COG5: variants seen among roughly 807,000 people sequenced by gnomAD.
COG5 encodes component of oligomeric golgi complex 5, also known as conserved oligomeric Golgi complex subunit 5.
A neutral mutation model predicts 110.4 loss-of-function variants in COG5; 86 were observed. The observed-to-expected ratio is 0.78, with a 90% confidence interval of 0.65 to 0.93. The LOEUF (loss-of-function observed/expected upper bound fraction) is 0.93, where lower values mean the gene tolerates loss of function less well. Ranked by LOEUF, COG5 falls within the 40% of genes least tolerant of loss-of-function variation. COG5 has a pLI of 0.00. For missense variants in COG5, 1,077 were observed against 987.0 expected, an observed-to-expected ratio of 1.09 and a Z score of -1.22; for synonymous variants, 360 against 334.6, an observed-to-expected ratio of 1.08 and a Z score of -0.83.
intron 18 of COG5, among the ~76,000 whole-genome samples, chr7:107,234,394 T>C (rs146468533): frequency 1.4e-4 from 22 of 152,330 alleles, no homozygotes; most frequent in African/African-American, 5.3e-4. Flanking sequence ...AAATAACATT[T>C]TGAATAATGC....
chr7:107,558,908 T>C (rs1584966864), intron 1 of COG5, among the ~76,000 whole-genome samples: 2 of 68,520 alleles, frequency 2.9e-5, no homozygotes, highest in Admixed American at 1.6e-4. Context: ...AAAAAAGACT[T>C]CATCTCAAAA....
intron 8 of COG5, among the ~76,000 whole-genome samples, chr7:107,367,640 T>C (rs1314306477): frequency 2.0e-5 from 3 of 151,962 alleles, no homozygotes; most frequent in Non-Finnish European, 4.4e-5. Context: ...TTGCAGCAAC[T>C]TGGATGGAAC....
chr7:107,218,672 T>C (rs1037315155), intron 19 of COG5, among the ~76,000 whole-genome samples: 9 of 152,086 alleles, frequency 5.9e-5, no homozygotes, highest in Non-Finnish European at 1.2e-4. Flanking sequence ...ATTTGGACCC[T>C]TAGGTCATAC....
intron 12 of COG5, among the ~76,000 whole-genome samples, chr7:107,288,714 CTA>C (rs1400070341): frequency 1.3e-5 from 2 of 151,716 alleles, no homozygotes; most frequent in African/African-American, 4.8e-5. Flanking sequence ...ATTGCCAGAT[CTA>C]TGAGTCAGAA....
rs753184764 is a variant in COG5 at position 107,563,887 on chromosome 7, C to T, written c.10G>A (p.Gly4Ser). 7 of 1,613,690 alleles carry T rather than the reference C, an allele frequency of 4.3e-6. No individual in the cohort carries two copies. Among genetic ancestry groups the T allele is most frequent in the South Asian group, 3.3e-5 (3 of 91,086 alleles). MEG[G>S]GGSVAVAGLG... The stretch of plus-strand genomic sequence containing the variant: ...CCAGCTACAGCGACGCTGCCGCCGC[C>T]ACCTTCCATGTTGGCAGGTGCCGGG... Residue 4 changes from glycine (G) to serine (S), a missense_variant, in exon 1 of 22, where the codon GGC becomes AGC. Gly to Ser is a moderately conservative substitution (Grantham distance 56). Coordinates refer to ENST00000297135, the MANE Select transcript of COG5 (RefSeq NM_006348.5).
At chr7:107,433,337 G>C (rs1484835839) in intron 6 of COG5, among the ~76,000 whole-genome samples, 8 of 152,124 alleles carry the variant, frequency 5.3e-5, no homozygotes, top group Non-Finnish European at 7.4e-5. Flanking sequence ...TGCAGAAACA[G>C]AAAAACGCAT....
chr7:107,277,320 G>A (rs180672471), intron 14 of COG5, among the ~76,000 whole-genome samples: 58 of 152,238 alleles, frequency 3.8e-4, no homozygotes, highest in African/African-American at 9.1e-4. Context: ...GAATACAGTC[G>A]TGGGTTCTTA....
At chr7:107,357,278 G>GT (rs1051701723) in intron 10 of COG5, among the ~76,000 whole-genome samples, 136 of 152,218 alleles carry the variant, frequency 8.9e-4, no homozygotes, top group Middle Eastern at 3.4e-3. Context: ...GTCTTTTGAG[G>GT]TTTTTTTACT....
At chr7:107,442,706 T>G (rs906740288) in intron 6 of COG5, among the ~76,000 whole-genome samples, 7 of 149,686 alleles carry the variant, frequency 4.7e-5, no homozygotes, top group Admixed American at 3.3e-4. Context: ...CCAAGAGAGA[T>G]AATTTAGGGT....
chr7:107,352,791 T>C (rs897599263), intron 10 of COG5, among the ~76,000 whole-genome samples: 1 of 152,170 alleles, frequency 6.6e-6, no homozygotes, highest in African/African-American at 2.4e-5. Context: ...GTTTAATGCA[T>C]CCTATACACA....
intron 7 of COG5, among the ~76,000 whole-genome samples, chr7:107,378,170 G>T (rs924194100): frequency 1.3e-5 from 2 of 152,168 alleles, no homozygotes; most frequent in African/African-American, 4.8e-5. Context: ...CAGACCTGCA[G>T]CAGAGGGGTC....
intron 2 of COG5, 85 bp from the exon 3 acceptor site, chr7:107,554,427 G>A (rs1584961577): frequency 8.2e-7 from 1 of 1,218,394 alleles, no homozygotes; most frequent in East Asian, 2.4e-5. Context: ...AGTCTCTCTT[G>A]GTGTAGAAAC....
chr7:107,315,182 A>G (rs1266111416), intron 11 of COG5, among the ~76,000 whole-genome samples: 1 of 151,602 alleles, frequency 6.6e-6, no homozygotes, highest in Non-Finnish European at 1.5e-5. Context: ...TAAAGAACAT[A>G]CATTCTCATA....
chr7:107,455,101 A>C (rs1040595828), intron 6 of COG5, among the ~76,000 whole-genome samples: 3 of 152,240 alleles, frequency 2.0e-5, no homozygotes, highest in Non-Finnish European at 4.4e-5. Context: ...CTAAAAGTAC[A>C]TAATAAGATA....
chr7:107,535,617 G>T (rs1278935034), intron 5 of COG5, among the ~76,000 whole-genome samples: 1 of 152,144 alleles, frequency 6.6e-6, no homozygotes, highest in African/African-American at 2.4e-5. Context: ...CCAGATAGAA[G>T]TTGAATCCCT....
intron 10 of COG5, among the ~76,000 whole-genome samples, chr7:107,325,232 A>G (rs1345517212): frequency 6.6e-6 from 1 of 152,256 alleles, no homozygotes; most frequent in East Asian, 1.9e-4. Flanking sequence ...CTGTTAAAAT[A>G]GAATCACACT....
intron 6 of COG5, among the ~76,000 whole-genome samples, chr7:107,443,667 A>AT (rs1175123233): frequency 1.6e-4 from 24 of 152,068 alleles, no homozygotes; most frequent in Non-Finnish European, 2.2e-4. Context: ...GCCCAGAAAT[A>AT]TTTTTTTTGT....
chr7:107,302,261 C>G (rs955942000), intron 11 of COG5, among the ~76,000 whole-genome samples: 2 of 152,076 alleles, frequency 1.3e-5, no homozygotes, highest in Non-Finnish European at 2.9e-5. Context: ...AGAAGCCAAA[C>G]AAATAAGAAT....
In COG5 at chr7:107,412,475, A is replaced by G. The variant is rs79872747; in HGVS notation, c.669+27T>C. On this transcript the variant is annotated intron_variant, in intron 7 of 21. Transcript: ENST00000297135. ...ACCTGTATTATGACACATTTTTTAC[A>G]TTAAAAAACAGTCTTATTTTTATTA... 5.3e-3 allele frequency: 8,491 copies of G among 1,600,178 alleles called. 358 individuals are homozygous for G. In the African/African-American group the frequency reaches 0.099, roughly 19 times the overall value.
Sources: gnomAD v4.1 joint callset for allele counts (sites outside exome capture counted in the v4.1 genomes callset) on GRCh38, gnomAD v4.1.1 for gene constraint, MANE v1.5 for transcripts, NCBI Gene and HGNC (gene_info 2026-07-23, HGNC 2026-07-21) for gene names.